HPS4: variants seen among roughly 807,000 people sequenced by gnomAD.
HPS4 encodes the protein HPS4 biogenesis of lysosomal organelles complex 3 subunit 2, also known as BLOC-3 complex member HPS4.
A neutral mutation model predicts 70.3 loss-of-function variants in HPS4; 44 were observed. The ratio of observed to expected loss-of-function variants is 0.63; its 90% CI spans 0.49 to 0.80. The LOEUF (loss-of-function observed/expected upper bound fraction) is 0.80, where lower values mean the gene tolerates loss of function less well. Among genes scored for constraint, HPS4 ranks in the 30% least tolerant of loss-of-function variants. HPS4 has a pLI of 0.00. For missense variants in HPS4, 873 were observed against 884.4 expected (o/e 0.99, Z 0.16); for synonymous variants, 377 against 355.9 (o/e 1.06, Z -0.67).
chr22:26,462,952 CTCT>C (rs746081242), intron 11 of HPS4, among the ~76,000 whole-genome samples: 20 of 152,332 alleles, frequency 1.3e-4, no homozygotes, highest in Non-Finnish European at 2.1e-4. Context: ...GCAGTCTTAT[CTCT>C]TCTTCTGTAT....
At chr22:26,458,055 T>C in intron 12 of HPS4, 88 bp from the exon 13 acceptor site, 1 of 1,108,822 alleles carries the variant, frequency 9.0e-7, no homozygotes, top group African/African-American at 1.5e-5. Context: ...ACACGGGGAC[T>C]GAGCACGGCT....
At chr22:26,477,368 A>G (rs2090691550) in intron 3 of HPS4, among the ~76,000 whole-genome samples, 2 of 152,344 alleles carry the variant, frequency 1.3e-5, no homozygotes, top group South Asian at 4.1e-4. Context: ...GGCCCTTTAC[A>G]AAGTTTGCCA....
intron 8 of HPS4, chr22:26,467,923 A>T (rs1392329825): frequency 1.3e-5 from 2 of 151,974 alleles, no homozygotes; most frequent in Non-Finnish European, 2.9e-5. Flanking sequence ...ATTTTTTGAG[A>T]CAGAGTCTCA....
At position 26,464,213 on chromosome 22, in the gene HPS4, G is replaced by A. The variant is rs759909785; in HGVS notation, c.1417C>T (p.Arg473Cys). The A allele has an allele frequency of 4.8e-5, 77 of 1,614,106 alleles. No individual in the cohort carries two copies. The highest frequency in any genetic ancestry group is 1.1e-4 in the African/African-American group (8 of 74,934). ...RRTRRPLLLP[R>C]LDPGQRGNKL... is the part of the protein sequence containing the mutation. Reference sequence around the variant, plus strand: ...TTTCCTCTCTGTCCTGGATCTAAGCGAGGCAATAACAAGGGCCTGCGGGTC... The same window carrying A: ...TTTCCTCTCTGTCCTGGATCTAAGCAAGGCAATAACAAGGGCCTGCGGGTC... Residue 473 changes from arginine to cysteine, a missense_variant, in exon 11 of 14, where the codon CGC becomes TGC. By Grantham distance (180) the Arg-to-Cys change is radical (BLOSUM62 -3). Transcript: ENST00000398145.
Position 26,457,930 on chromosome 22 carries a change from G to A in HPS4, c.1884C>T (p.Arg628=). ...LPQVATPQDR[R]FLQAVSLMHS... ...GCATCAGGCTGACGGCCTGGAGGAA[G>A]CGGCGATCCTGCGGGGTGGCCACCT... The change falls in exon 13 of 14, where the codon CGC becomes CGT. Residue 628 remains arginine (R), a synonymous_variant. Transcript: ENST00000398145. 1 of 1,614,140 alleles carries A rather than the reference G, an allele frequency of 6.2e-7. No individual in the cohort carries two copies. Among genetic ancestry groups the A allele is most frequent in the Non-Finnish European group, 8.5e-7 (1 of 1,180,036 alleles).
intron 3 of HPS4, among the ~76,000 whole-genome samples, chr22:26,445,604 C>T (rs1274226272): frequency 1.3e-5 from 2 of 152,178 alleles, no homozygotes; most frequent in Admixed American, 6.5e-5. Context: ...TTTGCACCCT[C>T]GGGACCTTGG....
At position 26,470,702 on chromosome 22, in the gene HPS4, G is replaced by C; in HGVS notation, c.596+17C>G. 6.2e-7 allele frequency: 1 copy of C among 1,610,852 alleles called. No homozygotes were observed. Among genetic ancestry groups the C allele is most frequent in the East Asian group, 2.2e-5 (1 of 44,868 alleles). On this transcript the variant is annotated intron_variant, in intron 7 of 13. Coordinates refer to ENST00000398145, the MANE Select transcript of HPS4 (RefSeq NM_022081.6). ...CAAGGGAATGGGGCTGGAAGAAAGGGGTCTGGAGTTACTCACAGTCCTTTA... is the reference window on the plus strand; with the variant it reads ...CAAGGGAATGGGGCTGGAAGAAAGGCGTCTGGAGTTACTCACAGTCCTTTA...
At chr22:26,471,219 C>A in intron 6 of HPS4, 1 of 393,844 alleles carries the variant, frequency 2.5e-6, no homozygotes, top group Admixed American at 3.1e-5. Flanking sequence ...CTACCCTATC[C>A]TCCACTTTCC....
intron 7 of HPS4, among the ~76,000 whole-genome samples, chr22:26,469,283 CAAAAA>C (rs5844704): frequency 9.5e-6 from 1 of 105,464 alleles, no homozygotes; most frequent in Non-Finnish European, 1.8e-5. Context: ...CCCATCTCTA[CAAAAA>C]AAAAAAAAAA....
chr22:26,443,268 C>G (rs1417508071), downstream of HPS4: 4 of 1,354,856 alleles, frequency 3.0e-6, no homozygotes, highest in African/African-American at 4.3e-5. Flanking sequence ...AGACTGTGGT[C>G]CGGTCCAGTC....
At chr22:26,447,477 G>T (rs1458380700), downstream of HPS4, among the ~76,000 whole-genome samples, 2 of 151,930 alleles carry the variant, frequency 1.3e-5, no homozygotes. Flanking sequence ...TCCACTCTGT[G>T]AGTGTCAAGT....
rs1242724522 is a variant in HPS4, at chr22:26,479,329, C to A, written c.68G>T (p.Gly23Val). Residue 23 changes from glycine (G) to valine (V), a missense_variant, in exon 3 of 14, where the codon GGT (glycine) becomes GTT (valine). Coordinates refer to ENST00000398145, the MANE Select transcript of HPS4 (RefSeq NM_022081.6). Reference sequence around the variant, plus strand: ...ATCGCCTTCTTCCTTTACCTTGGAACCATCATAAAGAAAAAAATAATTCCA... The same window carrying A: ...ATCGCCTTCTTCCTTTACCTTGGAAACATCATAAAGAAAAAAATAATTCCA... The part of the protein sequence containing the change: ...SWWNYFFLYD[G>V]SKVKEEGDPT... 3 of 1,613,996 alleles carry A rather than the reference C, an allele frequency of 1.9e-6. No individual in the cohort carries two copies. Among genetic ancestry groups the A allele is most frequent in the Middle Eastern group, 1.6e-4 (1 of 6,084 alleles).
chr22:26,443,953 G>C (rs1352429996), downstream of HPS4: 2 of 152,262 alleles, frequency 1.3e-5, no homozygotes, highest in Non-Finnish European at 2.9e-5. Context: ...CCAGCACCAA[G>C]CTGCGGCTCA....
In HPS4 at chr22:26,470,830, G is replaced by A. The variant is rs1351848954; in HGVS notation, c.502-17C>T. 5.0e-6 allele frequency: 8 copies of A among 1,614,042 alleles called. No homozygotes were observed. The South Asian group carries it at 7.7e-5, about 16-fold the overall frequency. ...GGGCTCCACCTGTGCAGGGCAAGAG[G>A]CATCATGCCCACCCATCAGCATGCT... On this transcript the variant is annotated splice_polypyrimidine_tract_variant and intron_variant, in intron 6 of 13. Coordinates refer to ENST00000398145, the MANE Select transcript of HPS4 (RefSeq NM_022081.6).
At chr22:26,475,857 C>T (rs2090475528) in intron 4 of HPS4, 1 of 152,052 alleles carries the variant, frequency 6.6e-6, no homozygotes, top group Admixed American at 6.5e-5. Context: ...GCCTGAGCAA[C>T]ATGGTGAAAC....
At position 26,472,358 on chromosome 22, in the gene HPS4, T is replaced by C. The variant is rs140430822; in HGVS notation, c.445A>G (p.Asn149Asp). 2.4e-4 allele frequency: 391 copies of C among 1,614,068 alleles called. 2 individuals carry two copies. The African/African-American group carries it at 4.5e-3, about 19-fold the overall frequency. Reference sequence around the variant, plus strand: ...AAAATCTTATGCAGATCACTGGTGTTTTTCAGAATTTGCTCGATGAAGGTG... The same window carrying C: ...AAAATCTTATGCAGATCACTGGTGTCTTTCAGAATTTGCTCGATGAAGGTG... ...WDTFIEQILK[N>D]TSDLHKIFNS... Residue 149 changes from asparagine (N) to aspartate (D), a missense_variant, in exon 6 of 14, where the codon AAC becomes GAC. Coordinates refer to ENST00000398145, the MANE Select transcript of HPS4 (RefSeq NM_022081.6).
In HPS4 at chr22:26,479,398, T is replaced by C. The variant is rs1460282805; in HGVS notation, c.42-43A>G. 5 of 1,607,032 alleles carry C rather than the reference T, an allele frequency of 3.1e-6. No homozygotes were observed. The Admixed American group carries it at 8.5e-5, about 27-fold the overall frequency. On this transcript the variant is annotated intron_variant, in intron 2 of 13. Transcript: ENST00000398145. The stretch of plus-strand genomic sequence containing the variant: ...TGGAGCCATGTTTCCTTTAATCCAG[T>C]GATCACGGCATTTAAAACACAGCTT...
At chr22:26,468,681 A>C (rs2089201195) in intron 7 of HPS4, 58 bp from the exon 8 acceptor site, 3 of 1,531,130 alleles carry the variant, frequency 2.0e-6, no homozygotes, top group Admixed American at 3.4e-5. Flanking sequence ...AAAACACTCC[A>C]AATTTTAAAG....
intron 13 of HPS4, among the ~76,000 whole-genome samples, chr22:26,454,402 A>G (rs1264744580): frequency 6.6e-6 from 1 of 152,108 alleles, no homozygotes; most frequent in Non-Finnish European, 1.5e-5. Context: ...CAGCTTTTTC[A>G]TCTGTACAGT....
Sources: gnomAD v4.1 joint callset for allele counts (sites outside exome capture counted in the v4.1 genomes callset) on GRCh38, gnomAD v4.1.1 for gene constraint, MANE v1.5 for transcripts, NCBI Gene and HGNC (gene_info 2026-07-23, HGNC 2026-07-21) for gene names.